The following ZMYM1 variants were observed in gnomAD, a reference collection of about 807,000 sequenced individuals.
The protein encoded by ZMYM1 is zinc finger MYM-type containing 1, also known as zinc finger MYM-type protein 1.
In ZMYM1, 39 loss-of-function variants were observed where a neutral mutation model predicts 60.0. The observed-to-expected ratio is 0.65, with a 90% CI of 0.50 to 0.85. The LOEUF (loss-of-function observed/expected upper bound fraction) is 0.85, where lower values mean the gene tolerates loss of function less well. Ranked by LOEUF, ZMYM1 falls within the 40% of genes least tolerant of loss-of-function variation. The probability of loss-of-function intolerance (pLI) is 0.00; values close to 1 mark genes in which losing one functional copy is unlikely to be tolerated. For synonymous variants in ZMYM1, 413 were observed against 454.0 expected (o/e 0.91, Z 1.15); for missense variants, 1,171 against 1,309.5 (o/e 0.89, Z 1.63).
Position 35,115,448 on chromosome 1 carries a change from A to C in ZMYM1, c.*189A>C. On this transcript the variant is annotated 3_prime_UTR_variant, in exon 10 of 10. Transcript: ENST00000359858. ...ATATCCCTCTAGAGGTATTTTTCCTAAGTGGTATTGTACGGTGTATACTGT... is the reference window on the plus strand; with the variant it reads ...ATATCCCTCTAGAGGTATTTTTCCTCAGTGGTATTGTACGGTGTATACTGT... 3 of 589,192 alleles carry C rather than the reference A, an allele frequency of 5.1e-6. No homozygotes were observed. Among genetic ancestry groups the C allele is most frequent in the Non-Finnish European group, 2.8e-6 (1 of 361,296 alleles). The allele number at this position is 589,192 out of a possible 1,614,324, so 36.5% of individuals were successfully genotyped here.
Position 35,093,983 on chromosome 1 carries a change from C to T in ZMYM1, c.-5C>T. The T allele has an allele frequency of 6.3e-7, 1 of 1,591,206 alleles. No homozygotes were observed. The highest frequency in any genetic ancestry group is 8.6e-7 in the Non-Finnish European group (1 of 1,169,282). ...CTGGAGAATTCCTTTGCATCAGATACTAAAATGAAAGAACCACTTTTAGGT... is the reference window on the plus strand; with the variant it reads ...CTGGAGAATTCCTTTGCATCAGATATTAAAATGAAAGAACCACTTTTAGGT... On this transcript the variant is annotated 5_prime_UTR_variant, in exon 2 of 10. Transcript: ENST00000359858.
intron 4 of ZMYM1, among the ~76,000 whole-genome samples, chr1:35,102,629 T>G (rs1227183970): frequency 6.6e-6 from 1 of 152,232 alleles, no homozygotes; most frequent in East Asian, 1.9e-4. Flanking sequence ...TTTTTTCATT[T>G]TCAAGAAAAT....
At chr1:35,060,314 C>T (rs1641849025) in intron 1 of ZMYM1, among the ~76,000 whole-genome samples, 1 of 151,996 alleles carries the variant, frequency 6.6e-6, no homozygotes, top group Non-Finnish European at 1.5e-5. Context: ...GCATGCACCA[C>T]CATGCCCAGC....
downstream of ZMYM1, among the ~76,000 whole-genome samples, chr1:35,117,922 A>C (rs1378755613): frequency 2.6e-5 from 4 of 151,940 alleles, no homozygotes; most frequent in Non-Finnish European, 5.9e-5. Flanking sequence ...TCTGGGCAAC[A>C]AGAGAGAAAC....
intron 2 of ZMYM1, among the ~76,000 whole-genome samples, chr1:35,095,447 C>A (rs539512108): frequency 2.7e-5 from 4 of 147,470 alleles, no homozygotes; most frequent in African/African-American, 1.0e-4. Context: ...GACGAGATCG[C>A]GTCACTGTAC....
intron 1 of ZMYM1, among the ~76,000 whole-genome samples, chr1:35,081,682 A>G (rs1210910172): frequency 1.3e-5 from 2 of 152,076 alleles, no homozygotes; most frequent in Admixed American, 1.3e-4. Flanking sequence ...TCTAGTATAA[A>G]GAAATAAAAT....
intron 1 of ZMYM1, among the ~76,000 whole-genome samples, chr1:35,092,307 A>C (rs933353945): frequency 5.9e-5 from 9 of 151,450 alleles, no homozygotes; most frequent in Non-Finnish European, 1.0e-4. Context: ...ATCTCAGTTC[A>C]CTGCAGCCTC....
In ZMYM1 at chr1:35,109,669, A is replaced by G. The variant is rs370324667; in HGVS notation, c.808-625A>G. ...CCAAGCTACCATTGAGGACAGATCT[A>G]TAACTATATAAGGCCTTTGTTTATC... On this transcript the variant is annotated intron_variant, in intron 6 of 9. Coordinates refer to ENST00000359858, the MANE Select transcript of ZMYM1 (RefSeq NM_024772.5). 5.7e-4 allele frequency among the ~76,000 whole-genome samples: 87 copies of G among 152,182 alleles called. 1 individual carries two copies. Among genetic ancestry groups the G allele is most frequent in the East Asian group, 1.9e-3 (10 of 5,174 alleles).
chr1:35,062,263 G>A (rs1229377811), intron 1 of ZMYM1, among the ~76,000 whole-genome samples: 1 of 152,172 alleles, frequency 6.6e-6, no homozygotes, highest in Non-Finnish European at 1.5e-5. Flanking sequence ...AACTCATTGT[G>A]TGCAGTCCAG....
intron 6 of ZMYM1, among the ~76,000 whole-genome samples, chr1:35,105,126 C>CTTTTTTTTTTTTT (rs1029051953): frequency 6.2e-5 from 6 of 96,576 alleles, no homozygotes; most frequent in African/African-American, 1.7e-4. Flanking sequence ...TTATTTCTTT[C>CTTTTTTTTTTTTT]TTTTTTTTTT....
At position 35,104,556 on chromosome 1, in the gene ZMYM1, G is replaced by C. The variant is rs1321158552; in HGVS notation, c.595-1G>C. 1 of 1,613,866 alleles carries C rather than the reference G, an allele frequency of 6.2e-7. No individual in the cohort carries two copies. Among genetic ancestry groups the C allele is most frequent in the Non-Finnish European group, 8.5e-7 (1 of 1,179,876 alleles). ...TACTGAATCTTTTTATTAAATCCTA[G>C]ATTCAGTATGAAGTAAAATACCAAA... On this transcript the variant is annotated splice_acceptor_variant, in intron 5 of 9. Coordinates refer to ENST00000359858, the MANE Select transcript of ZMYM1 (RefSeq NM_024772.5). LOFTEE classifies it high-confidence loss of function.
intron 2 of ZMYM1, among the ~76,000 whole-genome samples, chr1:35,095,252 G>C (rs1455671042): frequency 6.6e-6 from 1 of 151,880 alleles, no homozygotes; most frequent in African/African-American, 2.4e-5. Flanking sequence ...GCTCATTCCT[G>C]TAATCCCAGC....
At chr1:35,096,450 A>T (rs1643327516) in intron 3 of ZMYM1, among the ~76,000 whole-genome samples, 1 of 151,384 alleles carries the variant, frequency 6.6e-6, no homozygotes, top group Admixed American at 6.6e-5. Context: ...ACATAGCGAG[A>T]TCCTGTCTCT....
At chr1:35,088,012 A>G (rs1642750068) in intron 1 of ZMYM1, among the ~76,000 whole-genome samples, 1 of 152,004 alleles carries the variant, frequency 6.6e-6, no homozygotes, top group South Asian at 2.1e-4. Context: ...GTGAGCTGAG[A>G]TTATGTCACT....
intron 1 of ZMYM1, among the ~76,000 whole-genome samples, chr1:35,067,401 C>A (rs1490882959): frequency 1.3e-5 from 2 of 152,100 alleles, no homozygotes; most frequent in Non-Finnish European, 2.9e-5. Context: ...AATCCTTCCA[C>A]TGCAGCCTCC....
chr1:35,093,845 T>G, intron 1 of ZMYM1, 69 bp from the exon 2 acceptor site: 1 of 551,038 alleles, frequency 1.8e-6, no homozygotes. Flanking sequence ...CCTTTTGTGG[T>G]TCTAGAAAAT....
intron 1 of ZMYM1, among the ~76,000 whole-genome samples, chr1:35,070,666 C>A (rs1377338510): frequency 1.3e-5 from 2 of 152,142 alleles, no homozygotes; most frequent in Non-Finnish European, 2.9e-5. Context: ...TGAAAGTGGG[C>A]ATCCTTGTCT....
chr1:35,070,835 G>A (rs1642055268), intron 1 of ZMYM1, among the ~76,000 whole-genome samples: 1 of 150,800 alleles, frequency 6.6e-6, no homozygotes, highest in Admixed American at 6.6e-5. Flanking sequence ...ATGAAGCGAT[G>A]TTGAATTTTG....
intron 1 of ZMYM1, among the ~76,000 whole-genome samples, chr1:35,064,091 C>T (rs545635046): frequency 5.9e-5 from 9 of 152,034 alleles, no homozygotes; most frequent in South Asian, 2.1e-4. Flanking sequence ...TTTGGGAGGC[C>T]GAGGCTGGTG....
Sources: gnomAD v4.1 joint callset for allele counts (sites outside exome capture counted in the v4.1 genomes callset) on GRCh38, gnomAD v4.1.1 for gene constraint, MANE v1.5 for transcripts, NCBI Gene and HGNC (gene_info 2026-07-23, HGNC 2026-07-21) for gene names.